The following GRID2 variants were observed in gnomAD, a reference collection of about 807,000 sequenced individuals.
The protein encoded by GRID2 is glutamate receptor ionotropic, delta-2.
In GRID2, 33 loss-of-function variants were observed where a neutral mutation model predicts 114.8. That is an observed-to-expected ratio of 0.29 (90% CI 0.22 to 0.38). The LOEUF (loss-of-function observed/expected upper bound fraction) is 0.38, where lower values mean the gene tolerates loss of function less well. GRID2 is among the 10% of genes least tolerant of loss of function. GRID2 has a pLI of 1.00. For missense variants in GRID2, 1,184 were observed against 1,257.7 expected (o/e 0.94, Z 0.89); for synonymous variants, 505 against 449.9 (o/e 1.12, Z -1.55).
chr4:92,758,621 C>T (rs555875706), intron 2 of GRID2, among the ~76,000 whole-genome samples: 1 of 152,174 alleles, frequency 6.6e-6, no homozygotes, highest in Admixed American at 6.5e-5. Context: ...TGTGAGGATT[C>T]AGGCAATTCA....
At chr4:92,359,149 GTTC>G (rs1271973847) in intron 1 of GRID2, among the ~76,000 whole-genome samples, 3 of 151,888 alleles carry the variant, frequency 2.0e-5, no homozygotes, top group East Asian at 3.9e-4. Flanking sequence ...TTTGTTCTTT[GTTC>G]TTCTTTCACG....
intron 1 of GRID2, among the ~76,000 whole-genome samples, chr4:92,577,585 T>G (rs1727957412): frequency 6.6e-6 from 1 of 152,120 alleles, no homozygotes; most frequent in Admixed American, 6.6e-5. Flanking sequence ...AGAGTAACTG[T>G]TTGGCATTGT....
intron 1 of GRID2, among the ~76,000 whole-genome samples, chr4:92,461,501 G>A (rs1170720782): frequency 6.6e-6 from 1 of 151,802 alleles, no homozygotes; most frequent in African/African-American, 2.4e-5. Flanking sequence ...CCTTCAATAT[G>A]CTTTCTCGAT....
chr4:92,651,782 G>C (rs1294707188), intron 2 of GRID2, among the ~76,000 whole-genome samples: 5 of 152,136 alleles, frequency 3.3e-5, no homozygotes, highest in Non-Finnish European at 7.4e-5. Flanking sequence ...TGCCCATTGA[G>C]AGGATTTCCT....
rs1578775448 is a variant in GRID2, at chr4:93,769,088, C to A, written c.2361-122C>A. ...AGCATTCCATCTAAAACAAGCAGAT[C>A]TATATATTCATTTCCCTTTGACAGC... is the stretch of plus-strand genomic sequence containing the variant. On this transcript the variant is annotated intron_variant, in intron 14 of 15. Coordinates refer to ENST00000282020, the MANE Select transcript of GRID2 (RefSeq NM_001510.4). 18 of 858,398 alleles carry A rather than the reference C, an allele frequency of 2.1e-5. No individual in the cohort carries two copies. The East Asian group carries it at 4.4e-4, about 21-fold the overall frequency. 53.2% of individuals were successfully genotyped at this position (858,398 alleles called of 1,614,324 possible).
chr4:92,777,442 T>A (rs1444073620), intron 2 of GRID2, among the ~76,000 whole-genome samples: 1 of 152,078 alleles, frequency 6.6e-6, no homozygotes, highest in Non-Finnish European at 1.5e-5. Flanking sequence ...TTTCTCCATA[T>A]GTTGCTAAGG....
intron 13 of GRID2, among the ~76,000 whole-genome samples, chr4:93,617,657 G>GA (rs1487441908): frequency 6.6e-6 from 1 of 151,878 alleles, no homozygotes; most frequent in Non-Finnish European, 1.5e-5. Flanking sequence ...TGAACTCTCA[G>GA]AAAAAAACCA....
intron 1 of GRID2, among the ~76,000 whole-genome samples, chr4:92,370,635 G>A (rs929950210): frequency 5.9e-5 from 9 of 152,048 alleles, no homozygotes; most frequent in Non-Finnish European, 1.3e-4. Flanking sequence ...TACTGCAATG[G>A]CCTCTAAGTG....
intron 10 of GRID2, among the ~76,000 whole-genome samples, chr4:93,447,271 A>G (rs975163812): frequency 2.6e-5 from 4 of 152,040 alleles, no homozygotes; most frequent in Admixed American, 1.3e-4. Flanking sequence ...AATTAAAATA[A>G]TGAATCAAGC....
At chr4:92,978,046 A>T (rs763592995) in intron 2 of GRID2, among the ~76,000 whole-genome samples, 1 of 152,120 alleles carries the variant, frequency 6.6e-6, no homozygotes, top group Non-Finnish European at 1.5e-5. Flanking sequence ...TCACCAAGGG[A>T]TAGTCTATAT....
intron 1 of GRID2, among the ~76,000 whole-genome samples, chr4:92,477,686 A>G (rs1427102285): frequency 1.3e-5 from 2 of 150,084 alleles, no homozygotes; most frequent in African/African-American, 4.9e-5. Context: ...ACTGTAAATC[A>G]TATTTCTGAA....
At chr4:93,708,740 CTTCTTTCCT>C (rs1203581987) in intron 14 of GRID2, among the ~76,000 whole-genome samples, 26 of 151,736 alleles carry the variant, frequency 1.7e-4, no homozygotes, top group South Asian at 4.2e-4. Context: ...GTGGTCTTCC[CTTCTTTCCT>C]TTCTTTCCTT....
chr4:93,583,262 A>G (rs1487327732), intron 13 of GRID2, among the ~76,000 whole-genome samples: 1 of 152,194 alleles, frequency 6.6e-6, no homozygotes, highest in Non-Finnish European at 1.5e-5. Context: ...CGAGGGGGGC[A>G]CTATTTAACT....
chr4:92,972,658 G>C (rs560808826), intron 2 of GRID2, among the ~76,000 whole-genome samples: 1 of 151,548 alleles, frequency 6.6e-6, no homozygotes, highest in South Asian at 2.1e-4. Context: ...TTGTTACATA[G>C]GTAATCGTGT....
intron 1 of GRID2, among the ~76,000 whole-genome samples, chr4:92,584,284 C>A (rs7688929): frequency 0.38 from 57,691 of 151,656 alleles, 10,970 homozygotes; most frequent in Middle Eastern, 0.46. Flanking sequence ...TGTAGGAATG[C>A]CATTTGTAGA....
intron 11 of GRID2, among the ~76,000 whole-genome samples, chr4:93,475,550 C>T (rs1458858090): frequency 6.6e-6 from 1 of 152,038 alleles, no homozygotes; most frequent in Non-Finnish European, 1.5e-5. Flanking sequence ...ACTTTTGGCT[C>T]TTTTATCATT....
chr4:93,657,667 A>G (rs1723139199), intron 14 of GRID2, among the ~76,000 whole-genome samples: 1 of 152,134 alleles, frequency 6.6e-6, no homozygotes. Flanking sequence ...TGATCCCTCT[A>G]CTTCCAGTCA....
At chr4:92,609,594 A>T (rs62307878) in intron 2 of GRID2, among the ~76,000 whole-genome samples, 7,060 of 150,932 alleles carry the variant, frequency 0.047, 205 homozygotes, top group East Asian at 0.094. Context: ...TGGAAAGCAG[A>T]GTGTACAACA....
intron 2 of GRID2, among the ~76,000 whole-genome samples, chr4:92,929,252 T>C (rs986319704): frequency 1.3e-5 from 2 of 151,336 alleles, no homozygotes; most frequent in South Asian, 2.1e-4. Flanking sequence ...TGTCTCTTCA[T>C]AGCTCTTTAT....
Sources: gnomAD v4.1 joint callset for allele counts (sites outside exome capture counted in the v4.1 genomes callset) on GRCh38, gnomAD v4.1.1 for gene constraint, MANE v1.5 for transcripts, NCBI Gene and HGNC (gene_info 2026-07-23, HGNC 2026-07-21) for gene names.